The following LIPC variants were observed in gnomAD, a reference collection of about 807,000 sequenced individuals.
The protein encoded by LIPC is hepatic triacylglycerol lipase.
A neutral mutation model predicts 50.7 loss-of-function variants in LIPC; 44 were observed. The ratio of observed to expected loss-of-function variants is 0.87; its 90% CI spans 0.68 to 1.11. The LOEUF (loss-of-function observed/expected upper bound fraction) is 1.11, where lower values mean the gene tolerates loss of function less well. Ranked by LOEUF, LIPC falls within the 50% of genes most tolerant of loss-of-function variation. LIPC has a pLI of 0.00. For missense variants in LIPC, 697 were observed against 648.2 expected, an observed-to-expected ratio of 1.08 and a Z score of -0.82; for synonymous variants, 271 against 256.4, an observed-to-expected ratio of 1.06 and a Z score of -0.54.
intron 1 of LIPC, chr15:58,454,809 A>G (rs1210681704): frequency 6.6e-6 from 1 of 152,230 alleles, no homozygotes; most frequent in Non-Finnish European, 1.5e-5. Context: ...TATTTTCCCC[A>G]GGGAAGATGA....
At chr15:58,549,645 T>C (rs1893677282) in intron 6 of LIPC, among the ~76,000 whole-genome samples, 1 of 152,240 alleles carries the variant, frequency 6.6e-6, no homozygotes, top group South Asian at 2.1e-4. Flanking sequence ...AGCTTATTTT[T>C]GAGGCACAGG....
chr15:58,454,062 G>A (rs1358018548), intron 1 of LIPC, among the ~76,000 whole-genome samples: 1 of 152,160 alleles, frequency 6.6e-6, no homozygotes, highest in Admixed American at 6.5e-5. Flanking sequence ...GAGAGATTAA[G>A]TGACAAGCCC....
At chr15:58,538,273 C>A (rs745792736) in intron 1 of LIPC, 60 bp from the exon 2 acceptor site, 4 of 1,524,506 alleles carry the variant, frequency 2.6e-6, no homozygotes, top group African/African-American at 2.7e-5. Context: ...TTTGAGAAGA[C>A]GGAGGGCTTC....
intron 1 of LIPC, among the ~76,000 whole-genome samples, chr15:58,501,889 GT>G (rs1216163800): frequency 6.6e-6 from 1 of 152,178 alleles, no homozygotes; most frequent in Non-Finnish European, 1.5e-5. Context: ...CCTGAAGGAG[GT>G]AGGAAAACTT....
intron 1 of LIPC, among the ~76,000 whole-genome samples, chr15:58,457,227 A>C (rs1894158448): frequency 6.6e-6 from 1 of 152,194 alleles, no homozygotes; most frequent in Non-Finnish European, 1.5e-5. Flanking sequence ...CTCCTGTCTC[A>C]GCCTCCTGAG....
At chr15:58,499,016 G>C (rs116096984) in intron 1 of LIPC, among the ~76,000 whole-genome samples, 3,236 of 152,262 alleles carry the variant, frequency 0.021, 107 homozygotes, top group African/African-American at 0.072. Flanking sequence ...GCCTTGCTTC[G>C]CTGAGCATGG....
intron 4 of LIPC, among the ~76,000 whole-genome samples, chr15:58,544,368 T>C (rs1433091446): frequency 2.7e-5 from 4 of 150,574 alleles, no homozygotes; most frequent in Non-Finnish European, 5.9e-5. Context: ...ACAGAAATCA[T>C]ATCAGGACAT....
Position 58,566,456 on chromosome 15 carries a change from C to T in LIPC, c.1389-2260C>T, listed in dbSNP as rs1306736089. The stretch of plus-strand genomic sequence containing the variant: ...AGTGATAAACGAGAATCATAATATA[C>T]ATTTCATGAGACTAATAACAACTAC... On this transcript the variant is annotated intron_variant, in intron 8 of 8. Coordinates refer to ENST00000299022, the MANE Select transcript of LIPC (RefSeq NM_000236.3). The T allele has an allele frequency of 8.1e-6, 8 of 984,770 alleles. No homozygotes were observed. The African/African-American group carries it at 1.0e-4, about 13-fold the overall frequency. The allele number at this position is 984,770 out of a possible 1,614,324, so 61.0% of individuals were successfully genotyped here.
At chr15:58,558,875 G>A (rs1348200786) in intron 6 of LIPC, among the ~76,000 whole-genome samples, 2 of 152,200 alleles carry the variant, frequency 1.3e-5, no homozygotes, top group Non-Finnish European at 2.9e-5. Flanking sequence ...GGCTCTTGTT[G>A]TGAACATAAA....
At chr15:58,519,241 T>C (rs1223466344) in intron 1 of LIPC, among the ~76,000 whole-genome samples, 2 of 151,828 alleles carry the variant, frequency 1.3e-5, no homozygotes, top group African/African-American at 4.8e-5. Flanking sequence ...ACCCTTTCTC[T>C]ACTAAAAATA....
intron 1 of LIPC, chr15:58,494,720 G>T: frequency 2.2e-6 from 1 of 453,464 alleles, no homozygotes; most frequent in South Asian, 1.6e-5. Context: ...AATACAGCTT[G>T]GGTGGGATCT....
intron 1 of LIPC, among the ~76,000 whole-genome samples, chr15:58,537,017 T>C (rs1259421161): frequency 1.3e-5 from 2 of 152,214 alleles, no homozygotes; most frequent in Non-Finnish European, 2.9e-5. Context: ...CCTTATTAAA[T>C]GGGCTGAATT....
chr15:58,543,436 T>C (rs1893407954), intron 4 of LIPC, among the ~76,000 whole-genome samples: 2 of 151,944 alleles, frequency 1.3e-5, no homozygotes, highest in African/African-American at 4.8e-5. Flanking sequence ...ACAAGGTTTT[T>C]CTCTACTTCA....
intron 7 of LIPC, among the ~76,000 whole-genome samples, chr15:58,561,462 G>T (rs1010719813): frequency 1.3e-5 from 2 of 152,200 alleles, no homozygotes; most frequent in African/African-American, 4.8e-5. Flanking sequence ...GGAGACCAAG[G>T]TTCTTATTAT....
rs541269832 is a variant in LIPC, at chr15:58,557,212, G to C, written c.1052-3652G>C. Reference sequence around the variant, plus strand: ...ACGACTTACTAGCTGTGTGATCCGAGAAAAGTCACTTAACTTCTCTGTCCT... The same window carrying C: ...ACGACTTACTAGCTGTGTGATCCGACAAAAGTCACTTAACTTCTCTGTCCT... On this transcript the variant is annotated intron_variant, in intron 6 of 8. Coordinates refer to ENST00000299022, the MANE Select transcript of LIPC (RefSeq NM_000236.3). Among the ~76,000 whole-genome samples, 10 of 152,206 alleles carry C rather than the reference G, an allele frequency of 6.6e-5. No homozygotes were observed. In the South Asian group the frequency reaches 2.1e-3, roughly 32 times the overall value.
intron 6 of LIPC, among the ~76,000 whole-genome samples, chr15:58,557,402 T>TTTTTG (rs796425195): frequency 4.2e-5 from 6 of 142,380 alleles, no homozygotes; most frequent in African/African-American, 1.6e-4. Flanking sequence ...TTTTTTTTTT[T>TTTTTG]GAGATGTAGT....
chr15:58,468,039 T>C (rs1265456274), intron 1 of LIPC, among the ~76,000 whole-genome samples: 2 of 152,192 alleles, frequency 1.3e-5, no homozygotes, highest in African/African-American at 4.8e-5. Context: ...AGAAGATTAA[T>C]GGGAATGATG....
intron 1 of LIPC, among the ~76,000 whole-genome samples, chr15:58,462,944 T>A (rs1263414739): frequency 6.6e-6 from 1 of 152,232 alleles, no homozygotes; most frequent in African/African-American, 2.4e-5. Flanking sequence ...GGCTGTGGAT[T>A]ATTCCTTTAT....
intron 1 of LIPC, among the ~76,000 whole-genome samples, chr15:58,450,111 C>A (rs1305323172): frequency 6.6e-6 from 1 of 152,200 alleles, no homozygotes; most frequent in Admixed American, 6.5e-5. Flanking sequence ...GGGCAAGAGT[C>A]AAGACCCCCA....
Sources: gnomAD v4.1 joint callset for allele counts (sites outside exome capture counted in the v4.1 genomes callset) on GRCh38, gnomAD v4.1.1 for gene constraint, MANE v1.5 for transcripts, NCBI Gene and HGNC (gene_info 2026-07-23, HGNC 2026-07-21) for gene names.